The following PARP1 variants were observed in gnomAD, a reference collection of about 807,000 sequenced individuals.
PARP1 encodes the protein poly [ADP-ribose] polymerase 1.
A neutral mutation model predicts 118.7 loss-of-function variants in PARP1; 44 were observed. That is an observed-to-expected ratio of 0.37 (90% CI 0.29 to 0.48). The LOEUF (loss-of-function observed/expected upper bound fraction) is 0.48. Ranked by LOEUF, PARP1 falls within the 20% of genes least tolerant of loss-of-function variation. PARP1 has a pLI of 0.99. For missense variants in PARP1, 1,100 were observed against 1,272.4 expected (o/e 0.86, Z 2.06); for synonymous variants, 492 against 483.2 (o/e 1.02, Z -0.24).
At chr1:226,361,822 G>C in intron 22 of PARP1, 147 bp downstream of exon 22, 1 of 706,846 alleles carries the variant, frequency 1.4e-6, no homozygotes. Flanking sequence ...CACAGGGAGG[G>C]ACCACAGAAG....
At chr1:226,398,731 TATA>T (rs1167348017) in intron 2 of PARP1, among the ~76,000 whole-genome samples, 1 of 152,220 alleles carries the variant, frequency 6.6e-6, no homozygotes, top group Non-Finnish European at 1.5e-5. Flanking sequence ...GGCAAAGATG[TATA>T]ATGATACGAA....
chr1:226,407,073 C>T (rs1558245209), intron 1 of PARP1, among the ~76,000 whole-genome samples: 1 of 152,086 alleles, frequency 6.6e-6, no homozygotes, highest in South Asian at 2.1e-4. Flanking sequence ...GGCCTTCAAG[C>T]CCACCACCTC....
At chr1:226,385,448 A>G (rs1010934521) in intron 7 of PARP1, 56 bp downstream of exon 7, 1 of 1,519,534 alleles carries the variant, frequency 6.6e-7, no homozygotes, top group Non-Finnish European at 9.1e-7. Flanking sequence ...ACAAGCGCAG[A>G]AAGTGGGGCC....
chr1:226,363,219 G>A, intron 20 of PARP1, 59 bp from the exon 21 acceptor site: 1 of 1,140,030 alleles, frequency 8.8e-7, no homozygotes, highest in Non-Finnish European at 1.3e-6. Context: ...GAAACCAACA[G>A]TTTGATTAGG....
chr1:226,395,441 A>G (rs2048425), intron 2 of PARP1, among the ~76,000 whole-genome samples: 27,961 of 152,152 alleles, frequency 0.18, 3,115 homozygotes, highest in East Asian at 0.47. Context: ...TCACGCCTGT[A>G]ATCCCAGCCT....
intron 13 of PARP1, among the ~76,000 whole-genome samples, chr1:226,374,620 T>C (rs767758343): frequency 6.6e-6 from 1 of 152,214 alleles, no homozygotes; most frequent in African/African-American, 2.4e-5. Context: ...AGCGTCTGCA[T>C]GGGCTGACCC....
Position 226,364,246 on chromosome 1 carries a change from C to G in PARP1, c.2659-176G>C, listed in dbSNP as rs146371255. 1,369 of 632,076 alleles carry G rather than the reference C, an allele frequency of 2.2e-3. 11 individuals are homozygous for G. The African/African-American group carries it at 0.022, about 10-fold the overall frequency. 39.2% of individuals were successfully genotyped at this position (632,076 alleles called of 1,614,324 possible). On this transcript the variant is annotated intron_variant, in intron 19 of 22. Transcript: ENST00000366794. ...AGTTTTAGCTCACAAGCCAGGCTGT[C>G]AGATCCTAGCTCTGCCAGGTGCCAA... is the stretch of plus-strand genomic sequence containing the variant.
chr1:226,363,248 G>C lies in PARP1; in HGVS notation c.2787-88C>G, dbSNP rs996369245. Reference sequence around the variant, plus strand: ...GATTAGGAGAATAAGATCAGATACAGAGATGAGATAAAAGTCCACAAAACC... The same window carrying C: ...GATTAGGAGAATAAGATCAGATACACAGATGAGATAAAAGTCCACAAAACC... On this transcript the variant is annotated intron_variant, in intron 20 of 22. Coordinates refer to ENST00000366794, the MANE Select transcript of PARP1 (RefSeq NM_001618.4). 32 of 908,458 alleles carry C rather than the reference G, an allele frequency of 3.5e-5. No homozygotes were observed. In the African/African-American group the frequency reaches 5.2e-4, roughly 15 times the overall value. The allele number at this position is 908,458 out of a possible 1,614,324, so 56.3% of individuals were successfully genotyped here. A position where few individuals can be genotyped will look rare whatever the true frequency, so the allele number is the denominator to read the frequency against.
intron 2 of PARP1, among the ~76,000 whole-genome samples, chr1:226,396,588 A>G (rs1434728151): frequency 2.0e-5 from 3 of 152,222 alleles, no homozygotes; most frequent in South Asian, 2.1e-4. Flanking sequence ...AACTTTTCAT[A>G]TATCTAAAAA....
chr1:226,376,956 T>G, intron 13 of PARP1, 152 bp downstream of exon 13: 1 of 761,638 alleles, frequency 1.3e-6, no homozygotes, highest in East Asian at 2.5e-5. Context: ...CTTCTATTTT[T>G]GGGGGAGAAT....
Position 226,366,135 on chromosome 1 carries a change from T to C in PARP1, c.2407-83A>G, listed in dbSNP as rs141283231. 8.5e-5 allele frequency: 76 copies of C among 893,950 alleles called. No individual in the cohort carries two copies. The Middle Eastern group carries it at 8.6e-4, about 10-fold the overall frequency. The allele number at this position is 893,950 out of a possible 1,614,324, so 55.4% of individuals were successfully genotyped here. On this transcript the variant is annotated intron_variant, in intron 17 of 22. Coordinates refer to ENST00000366794, the MANE Select transcript of PARP1 (RefSeq NM_001618.4). ...GGAATGCTCAGGCTCAGTCAATGCA[T>C]AGCTCAACACCACACTCCTCAAAGG...
At chr1:226,365,596 A>C (rs559821273) in intron 18 of PARP1, among the ~76,000 whole-genome samples, 1 of 152,074 alleles carries the variant, frequency 6.6e-6, no homozygotes, top group Non-Finnish European at 1.5e-5. Flanking sequence ...GTGAATCCCT[A>C]TCTCTACTAA....
chr1:226,397,812 A>T (rs899644049), intron 2 of PARP1, among the ~76,000 whole-genome samples: 2 of 152,194 alleles, frequency 1.3e-5, no homozygotes, highest in Admixed American at 6.5e-5. Context: ...TGGCAAAAGG[A>T]TACGTAGATC....
chr1:226,387,914 T>C (rs1354352893), intron 5 of PARP1, among the ~76,000 whole-genome samples: 1 of 152,214 alleles, frequency 6.6e-6, no homozygotes, highest in Non-Finnish European at 1.5e-5. Context: ...GTGTGATTCT[T>C]ATTTAGCAAC....
rs1664551421 is a variant in PARP1, at chr1:226,379,152, T to C, written c.1735A>G (p.Lys579Glu). 1.2e-6 allele frequency: 2 copies of C among 1,614,090 alleles called. No individual in the cohort carries two copies. Among genetic ancestry groups the C allele is most frequent in the Non-Finnish European group, 1.7e-6 (2 of 1,180,046 alleles). The change falls in exon 12 of 23, where the codon AAG (lysine) becomes GAG (glutamate). Residue 579 changes from lysine (K) to glutamate (E), a missense_variant. This residue lies in a region of PARP1 where 948 missense variants were observed against 1,031.8 expected (regional missense o/e 0.92). Transcript: ENST00000366794. ...ACCTGCAGAACTCACCTGTTTTCCT[T>C]GTCGTCCTCCAGAAGCTGCAGCTTG... ...YYKLQLLEDD[K>E]ENRYWIFRSW...
chr1:226,374,754 T>C (rs1664456432), intron 13 of PARP1, among the ~76,000 whole-genome samples: 1 of 152,184 alleles, frequency 6.6e-6, no homozygotes. Context: ...ATGGACAAAT[T>C]CCTTCTCTTT....
In PARP1 at chr1:226,380,145, AT is replaced by A; in HGVS notation, c.1319del (p.Asn440IlefsTer7). On this transcript the variant is annotated frameshift_variant, in exon 10 of 23. Coordinates refer to ENST00000366794, the MANE Select transcript of PARP1 (RefSeq NM_001618.4). LOFTEE classifies it high-confidence loss of function. ...ISTKKEVEKMNKKMEEVKEAN... is the reference protein window; with the variant it reads ...ISTKKEVEKMXKKMEEVKEAN... ...CTTCCTTTACTTCCTCCATCTTCTT[AT>A]TCATCTTTTCCACCTCCTCTGTTCA... 1 of 1,614,114 alleles carries A rather than the reference AT, an allele frequency of 6.2e-7. No homozygotes were observed. The highest frequency in any genetic ancestry group is 8.5e-7 in the Non-Finnish European group (1 of 1,180,006).
rs933621940 is a variant in PARP1, at chr1:226,397,063, G to A, written c.287-4749C>T. On this transcript the variant is annotated intron_variant, in intron 2 of 22. Coordinates refer to ENST00000366794, the MANE Select transcript of PARP1 (RefSeq NM_001618.4). ...ACCCTGTGCTTTGGGAGGCAGAGGT[G>A]AGATTGTTTGAAGCCAAGAGTTTGA... 4.6e-5 allele frequency among the ~76,000 whole-genome samples: 7 copies of A among 151,130 alleles called. No individual in the cohort carries two copies. The East Asian group carries it at 1.4e-3, about 29-fold the overall frequency.
At chr1:226,401,932 T>C in intron 2 of PARP1, 1 of 1,420,870 alleles carries the variant, frequency 7.0e-7, no homozygotes, top group East Asian at 2.5e-5. Context: ...AACTCTTTGT[T>C]CTTTGCTTAC....
Sources: gnomAD v4.1 joint callset for allele counts (sites outside exome capture counted in the v4.1 genomes callset) on GRCh38, gnomAD v4.1.1 for gene constraint, gnomAD v4.1.1 regional missense constraint, MANE v1.5 for transcripts, NCBI Gene and HGNC (gene_info 2026-07-23, HGNC 2026-07-21) for gene names.